The following SGIP1 variants were observed in gnomAD, a reference collection of about 807,000 sequenced individuals.
SGIP1 encodes the protein SH3-containing GRB2-like protein 3-interacting protein 1.
Under a neutral mutation model 107.5 loss-of-function variants are expected in SGIP1, and 38 were observed. That is an observed-to-expected ratio of 0.35 (90% CI 0.27 to 0.46). The LOEUF (loss-of-function observed/expected upper bound fraction) is 0.46, where lower values mean the gene tolerates loss of function less well. SGIP1 is among the 20% of genes least tolerant of loss of function. The probability of loss-of-function intolerance (pLI) is 1.00; values close to 1 mark genes in which losing one functional copy is unlikely to be tolerated. For synonymous variants in SGIP1, 365 were observed against 366.1 expected (o/e 1.00, Z 0.03); for missense variants, 929 against 1,019.5 (o/e 0.91, Z 1.21).
intron 1 of SGIP1, among the ~76,000 whole-genome samples, chr1:66,581,948 G>A (rs562614138): frequency 1.9e-4 from 29 of 152,148 alleles, no homozygotes; most frequent in African/African-American, 6.3e-4. Flanking sequence ...TTGGCATCAG[G>A]AAAATTATAC....
intron 1 of SGIP1, among the ~76,000 whole-genome samples, chr1:66,603,817 CA>C (rs1318178116): frequency 6.6e-6 from 1 of 152,106 alleles, no homozygotes; most frequent in Non-Finnish European, 1.5e-5. Context: ...ATCTTAATAA[CA>C]AAAGTTGCTA....
chr1:66,687,758 G>A (rs777547762), intron 15 of SGIP1, among the ~76,000 whole-genome samples: 3 of 152,164 alleles, frequency 2.0e-5, no homozygotes, highest in African/African-American at 4.8e-5. Flanking sequence ...AGTGCTTAGC[G>A]TAGACCTTGG....
chr1:66,607,910 A>T (rs1247411257), intron 1 of SGIP1, among the ~76,000 whole-genome samples: 1 of 152,230 alleles, frequency 6.6e-6, no homozygotes, highest in Admixed American at 6.5e-5. Flanking sequence ...GATAGAGCAG[A>T]TGTTCCCAGG....
rs897871010 is a variant in SGIP1 at position 66,747,690 on chromosome 1, A to G, written c.*4595A>G. 15 of 151,994 alleles carry G rather than the reference A, an allele frequency of 9.9e-5. No homozygotes were observed. Among genetic ancestry groups the G allele is most frequent in the Admixed American group, 9.8e-4 (15 of 15,254 alleles). The allele number at this position is 151,994 out of a possible 1,614,324, so 9.4% of individuals were successfully genotyped here. A position where few individuals can be genotyped will look rare whatever the true frequency, so the allele number is the denominator to read the frequency against. On this transcript the variant is annotated 3_prime_UTR_variant, in exon 25 of 25. Transcript: ENST00000371037. ...GCCTCATTCTAAAAGAGTTGCACGA[A>G]TATTTTTTCTCAAAATAACCACAGG...
intron 18 of SGIP1, among the ~76,000 whole-genome samples, chr1:66,710,814 A>C (rs1572123183): frequency 6.6e-6 from 1 of 152,270 alleles, no homozygotes; most frequent in East Asian, 1.9e-4. Flanking sequence ...TTTAACAGAA[A>C]TTAAAATTAT....
intron 7 of SGIP1, among the ~76,000 whole-genome samples, chr1:66,645,403 C>A (rs1419145041): frequency 6.6e-6 from 1 of 152,194 alleles, no homozygotes; most frequent in Admixed American, 6.5e-5. Flanking sequence ...ACTCTAAGCT[C>A]TTCTCAACAT....
At chr1:66,694,667 A>C in intron 17 of SGIP1, 1 of 461,266 alleles carries the variant, frequency 2.2e-6, no homozygotes, top group Non-Finnish European at 3.6e-6. Context: ...AACTCGTGCC[A>C]CTGAAAATTT....
rs146479972 is a variant in SGIP1, at chr1:66,697,695, G to A, written c.1630+2202G>A. The stretch of plus-strand genomic sequence containing the variant: ...AGATTTGTTTTCATCATGTATGTAC[G>A]CTAGACTCGGGTATTTTTAGCTAGT... On this transcript the variant is annotated intron_variant, in intron 18 of 24. Transcript: ENST00000371037. 5.9e-5 allele frequency among the ~76,000 whole-genome samples: 9 copies of A among 152,246 alleles called. No individual in the cohort carries two copies. In the East Asian group the frequency reaches 1.5e-3, roughly 26 times the overall value.
chr1:66,557,864 G>T (rs751284898), intron 1 of SGIP1, among the ~76,000 whole-genome samples: 1 of 152,040 alleles, frequency 6.6e-6, no homozygotes, highest in Non-Finnish European at 1.5e-5. Context: ...TACACTTTGT[G>T]GATTTGTGAT....
At position 66,733,860 on chromosome 1, in the gene SGIP1, G is replaced by A. The variant is rs140384550; in HGVS notation, c.2011G>A (p.Val671Ile). The A allele has an allele frequency of 6.5e-4, 1,042 of 1,612,982 alleles. No individual in the cohort carries two copies. The highest frequency in any genetic ancestry group is 1.2e-3 in the Admixed American group (70 of 59,944). Residue 671 changes from valine to isoleucine, a missense_variant, in exon 21 of 25, where the codon GTT becomes ATT. Physicochemically the swap from Val to Ile is conservative, Grantham distance 29. Transcript: ENST00000371037. Reference sequence around the variant, plus strand: ...AAAACCCCAGGCTACATATTATAACGTTGACATGCTCAAATATCAGGTAAG... The same window carrying A: ...AAAACCCCAGGCTACATATTATAACATTGACATGCTCAAATATCAGGTAAG... ...EQKPQATYYN[V>I]DMLKYQVSAQ...
At chr1:66,580,055 C>T (rs932450754) in intron 1 of SGIP1, among the ~76,000 whole-genome samples, 1 of 152,112 alleles carries the variant, frequency 6.6e-6, no homozygotes, top group African/African-American at 2.4e-5. Context: ...TTAATAGCCT[C>T]CTAATTATCT....
intron 1 of SGIP1, among the ~76,000 whole-genome samples, chr1:66,617,529 T>C (rs898605979): frequency 6.6e-5 from 10 of 152,232 alleles, no homozygotes; most frequent in African/African-American, 2.4e-4. Context: ...TTGCTGTCAA[T>C]ATGCGGCATT....
At chr1:66,693,877 C>T (rs968587596) in intron 17 of SGIP1, among the ~76,000 whole-genome samples, 1 of 152,186 alleles carries the variant, frequency 6.6e-6, no homozygotes, top group Non-Finnish European at 1.5e-5. Flanking sequence ...AAGGCAGGTG[C>T]AAGGCAAATT....
intron 1 of SGIP1, among the ~76,000 whole-genome samples, chr1:66,624,026 T>C (rs958764227): frequency 6.6e-6 from 1 of 152,242 alleles, no homozygotes; most frequent in Non-Finnish European, 1.5e-5. Flanking sequence ...AATGTGTGTG[T>C]ATTTTCTGAT....
chr1:66,665,694 T>C (rs1417331221), intron 8 of SGIP1, among the ~76,000 whole-genome samples: 1 of 152,206 alleles, frequency 6.6e-6, no homozygotes. Context: ...CTCATTGTGG[T>C]TTTGATTTGC....
intron 18 of SGIP1, among the ~76,000 whole-genome samples, chr1:66,698,148 A>G (rs2091279470): frequency 6.6e-6 from 1 of 152,202 alleles, no homozygotes; most frequent in Admixed American, 6.5e-5. Context: ...CTGATCAACC[A>G]ATCAACTAAG....
At chr1:66,684,277 AC>A in intron 15 of SGIP1, 2 of 1,527,272 alleles carry the variant, frequency 1.3e-6, no homozygotes, top group Admixed American at 2.0e-5. Flanking sequence ...AACTTATTTG[AC>A]TACTGACACC....
chr1:66,699,866 A>G (rs962689397), intron 18 of SGIP1, among the ~76,000 whole-genome samples: 1 of 152,226 alleles, frequency 6.6e-6, no homozygotes, highest in African/African-American at 2.4e-5. Flanking sequence ...AGAATGGAGC[A>G]TAGTGAGGGT....
intron 17 of SGIP1, chr1:66,694,739 A>T (rs2090533053): frequency 2.5e-6 from 1 of 396,432 alleles, no homozygotes. Flanking sequence ...GAGGTTCAAA[A>T]AAGGTGAGAT....
Sources: allele counts gnomAD v4.1 joint callset (sites outside exome capture counted in the v4.1 genomes callset), GRCh38; gene constraint gnomAD v4.1.1; transcripts MANE v1.5; gene names NCBI Gene and HGNC (gene_info 2026-07-23, HGNC 2026-07-21).